Variants in LINGO2 observed in about 807,000 individuals in gnomAD.
The protein encoded by LINGO2 is leucine rich repeat and Ig domain containing 2, also known as leucine-rich repeat and immunoglobulin-like domain-containing nogo receptor-interacting protein 2.
A neutral mutation model predicts 30.6 loss-of-function variants in LINGO2; 14 were observed. The observed-to-expected ratio is 0.46, with a 90% CI of 0.30 to 0.72. The LOEUF is 0.72. Among genes scored for constraint, LINGO2 ranks in the 30% least tolerant of loss-of-function variants. The pLI is 0.07. For synonymous variants in LINGO2, 317 were observed against 288.5 expected, an observed-to-expected ratio of 1.10 and a Z score of -1.00; for missense variants, 729 against 751.7, an observed-to-expected ratio of 0.97 and a Z score of 0.35.
At chr9:28,012,366 G>A (rs1490916505) in exon 5 of LINGO2, 2 of 151,374 alleles carry the variant, frequency 1.3e-5, no homozygotes, top group Non-Finnish European at 2.9e-5. Flanking sequence ...TTGCTTTTTT[G>A]CATGTGGCCA....
intron 1 of LINGO2, among the ~76,000 whole-genome samples, chr9:28,595,557 T>C (rs1186540244): frequency 6.6e-6 from 1 of 152,138 alleles, no homozygotes; most frequent in Non-Finnish European, 1.5e-5. Context: ...CTTGATAGTG[T>C]CTGTAGCAGT....
intron 4 of LINGO2, among the ~76,000 whole-genome samples, chr9:28,171,010 T>G (rs1238295396): frequency 2.6e-5 from 4 of 152,226 alleles, no homozygotes; most frequent in Non-Finnish European, 5.9e-5. Context: ...ATGGGCACCA[T>G]CATCCCCAAC....
At chr9:28,983,887 C>T in the LINGO2 span, among the ~76,000 whole-genome samples, 1 of 152,016 alleles carries the variant, frequency 6.6e-6, no homozygotes, top group Non-Finnish European at 1.5e-5. Flanking sequence ...TAGCACCATA[C>T]ACTGATATAC....
At chr9:28,265,268 G>T (rs1822708136) in intron 4 of LINGO2, among the ~76,000 whole-genome samples, 1 of 151,808 alleles carries the variant, frequency 6.6e-6, no homozygotes, top group African/African-American at 2.4e-5. Context: ...GGATAAAAAG[G>T]CACATCACTC....
chr9:28,948,394 T>C, the LINGO2 span, among the ~76,000 whole-genome samples: 2 of 152,116 alleles, frequency 1.3e-5, no homozygotes, highest in South Asian at 2.1e-4. Context: ...TCTGTACCTA[T>C]ATATTCTAGT....
At chr9:29,040,238 T>C in the LINGO2 span, among the ~76,000 whole-genome samples, 3 of 152,070 alleles carry the variant, frequency 2.0e-5, no homozygotes, top group Non-Finnish European at 4.4e-5. Context: ...CTAAAATACA[T>C]TTTAAATTGA....
chr9:28,654,542 C>T (rs1023054097), intron 1 of LINGO2, among the ~76,000 whole-genome samples: 5 of 151,822 alleles, frequency 3.3e-5, no homozygotes, highest in Non-Finnish European at 7.4e-5. Flanking sequence ...GTAAATAAGC[C>T]GAATTTCTTT....
At chr9:28,118,850 C>T (rs554310325) in intron 4 of LINGO2, among the ~76,000 whole-genome samples, 1 of 151,986 alleles carries the variant, frequency 6.6e-6, no homozygotes, top group East Asian at 1.9e-4. Context: ...AGAAAATGAT[C>T]CTTGCCATGA....
At chr9:28,183,477 G>A (rs1819431628) in intron 4 of LINGO2, among the ~76,000 whole-genome samples, 1 of 152,094 alleles carries the variant, frequency 6.6e-6, no homozygotes, top group Admixed American at 6.5e-5. Context: ...CAACTATCAT[G>A]TGTGAATGAG....
At chr9:28,910,588 T>C in the LINGO2 span, among the ~76,000 whole-genome samples, 1 of 152,000 alleles carries the variant, frequency 6.6e-6, no homozygotes, top group Non-Finnish European at 1.5e-5. Context: ...AGAGTTCTTA[T>C]GAGATCTGAT....
rs1332558663 is a variant in LINGO2 at position 28,492,634 on chromosome 9, T to C, written c.-364-16609A>G. On this transcript the variant is annotated intron_variant, in intron 1 of 5. Transcript: ENST00000379992. ...TCCTGAAATACTAACAGCTGTTAAT[T>C]ATTCCCTCCATTGAAGAAGATGCAT... Among the ~76,000 whole-genome samples the C allele has an allele frequency of 2.6e-5, 4 of 152,238 alleles. No homozygotes were observed. In the East Asian group the frequency reaches 5.8e-4, roughly 22 times the overall value.
intron 1 of LINGO2, among the ~76,000 whole-genome samples, chr9:28,576,756 A>G (rs549535716): frequency 2.6e-5 from 4 of 152,288 alleles, no homozygotes; most frequent in Admixed American, 1.3e-4. Context: ...ACTTGATTAC[A>G]TGAGTATGTT....
At chr9:28,003,161 G>T (rs1367383878) in intron 5 of LINGO2, among the ~76,000 whole-genome samples, 1 of 152,138 alleles carries the variant, frequency 6.6e-6, no homozygotes, top group Non-Finnish European at 1.5e-5. Flanking sequence ...CCATATTTGT[G>T]ATTATTTGCT....
the LINGO2 span, among the ~76,000 whole-genome samples, chr9:29,023,203 A>C: frequency 6.6e-6 from 1 of 152,076 alleles, no homozygotes; most frequent in Non-Finnish European, 1.5e-5. Context: ...TTAATCTGAA[A>C]ATCTGAAAAT....
At chr9:28,886,914 G>C in the LINGO2 span, among the ~76,000 whole-genome samples, 4 of 152,064 alleles carry the variant, frequency 2.6e-5, no homozygotes, top group African/African-American at 7.2e-5. Flanking sequence ...TTAGAGCTTC[G>C]TCAAGTTAAT....
At chr9:28,700,529 C>T in the LINGO2 span, among the ~76,000 whole-genome samples, 4 of 151,894 alleles carry the variant, frequency 2.6e-5, no homozygotes, top group East Asian at 7.7e-4. Flanking sequence ...ATTATCCATC[C>T]ATACACTGAA....
intron 4 of LINGO2, among the ~76,000 whole-genome samples, chr9:28,049,795 A>C (rs1383773520): frequency 6.6e-6 from 1 of 150,478 alleles, no homozygotes; most frequent in African/African-American, 2.5e-5. Flanking sequence ...GGTAGGAGAC[A>C]ATCAGATCAT....
chr9:28,990,739 G>A, the LINGO2 span, among the ~76,000 whole-genome samples: 3 of 125,026 alleles, frequency 2.4e-5, no homozygotes, highest in Non-Finnish European at 5.4e-5. Flanking sequence ...TGATACCCAG[G>A]CTAACAGGGT....
At chr9:28,652,824 A>ATAAAT (rs1387141277) in intron 1 of LINGO2, among the ~76,000 whole-genome samples, 1 of 152,086 alleles carries the variant, frequency 6.6e-6, no homozygotes, top group Non-Finnish European at 1.5e-5. Flanking sequence ...TAATTTAGTT[A>ATAAAT]TAAAATCCTT....
Sources: gnomAD v4.1 joint callset for allele counts (sites outside exome capture counted in the v4.1 genomes callset) on GRCh38, gnomAD v4.1.1 for gene constraint, MANE v1.5 for transcripts, NCBI Gene and HGNC (gene_info 2026-07-23, HGNC 2026-07-21) for gene names.